AUTS2: variants seen among roughly 807,000 people sequenced by gnomAD.
AUTS2 encodes activator of transcription and developmental regulator AUTS2.
A neutral mutation model predicts 112.4 loss-of-function variants in AUTS2; 17 were observed. That is an observed-to-expected ratio of 0.15 (90% CI 0.10 to 0.23). AUTS2 has a LOEUF of 0.23. Ranked by LOEUF, AUTS2 falls within the 10% of genes least tolerant of loss-of-function variation. AUTS2 has a pLI of 1.00. For synonymous variants in AUTS2, 751 were observed against 702.7 expected, an observed-to-expected ratio of 1.07 and a Z score of -1.09; for missense variants, 1,510 against 1,701.6, an observed-to-expected ratio of 0.89 and a Z score of 1.98.
At chr7:70,412,263 C>T (rs955408319) in intron 4 of AUTS2, among the ~76,000 whole-genome samples, 2 of 152,126 alleles carry the variant, frequency 1.3e-5, no homozygotes, top group Admixed American at 6.6e-5. Flanking sequence ...CCCTTGATAA[C>T]CTTACCAGAA....
chr7:69,731,224 C>T (rs1786777817), intron 1 of AUTS2, among the ~76,000 whole-genome samples: 3 of 152,004 alleles, frequency 2.0e-5, no homozygotes, highest in East Asian at 1.9e-4. Flanking sequence ...CCTGGGAGGT[C>T]GAGGCTGCAG....
intron 5 of AUTS2, among the ~76,000 whole-genome samples, chr7:70,599,726 G>A (rs777795204): frequency 1.3e-5 from 2 of 152,176 alleles, no homozygotes; most frequent in Non-Finnish European, 2.9e-5. Flanking sequence ...AAGAAGTCAA[G>A]CAGCAATACA....
intron 4 of AUTS2, among the ~76,000 whole-genome samples, chr7:70,265,500 G>A (rs1787376406): frequency 6.6e-6 from 1 of 152,184 alleles, no homozygotes; most frequent in African/African-American, 2.4e-5. Flanking sequence ...TTATCTCTCT[G>A]CTTCAGTCCC....
rs73171770 is a variant in AUTS2 at position 70,271,563 on chromosome 7, C to T, written c.660+136992C>T. Among the ~76,000 whole-genome samples, 634 of 152,288 alleles carry T rather than the reference C, an allele frequency of 4.2e-3. 5 individuals are homozygous for T. Among genetic ancestry groups the T allele is most frequent in the Non-Finnish European group, 5.8e-3 (392 of 68,030 alleles). ...TTTATAAAAAAAGATTATTATACAT[C>T]AATGCAGTATTTGTTATTCCTAAAT... On this transcript the variant is annotated intron_variant, in intron 4 of 18. Transcript: ENST00000342771.
intron 1 of AUTS2, among the ~76,000 whole-genome samples, chr7:69,638,782 T>C (rs1269645998): frequency 2.0e-5 from 3 of 152,216 alleles, no homozygotes; most frequent in Non-Finnish European, 2.9e-5. Flanking sequence ...CTCACCTGCC[T>C]AGAAACAAAA....
At chr7:70,045,499 C>CTA (rs1484769697) in intron 2 of AUTS2, among the ~76,000 whole-genome samples, 1 of 151,816 alleles carries the variant, frequency 6.6e-6, no homozygotes, top group Non-Finnish European at 1.5e-5. Context: ...AATTTTATAC[C>CTA]TATTTTTACC....
chr7:70,089,100 C>G (rs1803771903), intron 2 of AUTS2, among the ~76,000 whole-genome samples: 1 of 152,068 alleles, frequency 6.6e-6, no homozygotes, highest in African/African-American at 2.4e-5. Flanking sequence ...CTATAAATGT[C>G]AATTATGCAT....
At chr7:69,647,280 A>T (rs933328081) in intron 1 of AUTS2, among the ~76,000 whole-genome samples, 15 of 152,168 alleles carry the variant, frequency 9.9e-5, no homozygotes, top group Non-Finnish European at 1.8e-4. Context: ...GTCTTTTCCT[A>T]TGCAAACATT....
intron 4 of AUTS2, among the ~76,000 whole-genome samples, chr7:70,203,359 AAAAG>A (rs1810399118): frequency 6.7e-6 from 1 of 148,490 alleles, no homozygotes; most frequent in Non-Finnish European, 1.5e-5. Flanking sequence ...AAAAAAAAAA[AAAAG>A]AAGTTTACGG....
intron 5 of AUTS2, among the ~76,000 whole-genome samples, chr7:70,493,191 G>A (rs879355715): frequency 6.6e-6 from 1 of 152,136 alleles, no homozygotes; most frequent in Non-Finnish European, 1.5e-5. Flanking sequence ...CAAAGAGAGG[G>A]TACTTTTTCA....
chr7:70,412,889 G>A (rs974606567), intron 4 of AUTS2, among the ~76,000 whole-genome samples: 1 of 152,344 alleles, frequency 6.6e-6, no homozygotes, highest in African/African-American at 2.4e-5. Flanking sequence ...TATTCGGGAG[G>A]CTGAGGCGGG....
intron 2 of AUTS2, among the ~76,000 whole-genome samples, chr7:69,936,906 C>T (rs1160268570): frequency 6.6e-6 from 1 of 152,104 alleles, no homozygotes; most frequent in East Asian, 1.9e-4. Context: ...TTCTTTCCGT[C>T]GTTCCTCCCT....
At chr7:70,397,215 C>G (rs1389394048) in intron 4 of AUTS2, among the ~76,000 whole-genome samples, 1 of 152,026 alleles carries the variant, frequency 6.6e-6, no homozygotes, top group Admixed American at 6.6e-5. Flanking sequence ...AGAGGTGTGC[C>G]ACCATGTCTG....
chr7:70,608,490 C>G (rs1265587082), intron 5 of AUTS2, among the ~76,000 whole-genome samples: 1 of 152,180 alleles, frequency 6.6e-6, no homozygotes, highest in African/African-American at 2.4e-5. Flanking sequence ...CATAGTGTAG[C>G]AGTGACTATT....
At chr7:70,454,989 G>T (rs977115984) in intron 5 of AUTS2, among the ~76,000 whole-genome samples, 1 of 152,200 alleles carries the variant, frequency 6.6e-6, no homozygotes, top group Non-Finnish European at 1.5e-5. Flanking sequence ...AAGCCAGGTG[G>T]AGGGAGTCCA....
At chr7:70,151,349 A>C (rs1229556082) in intron 4 of AUTS2, among the ~76,000 whole-genome samples, 1 of 152,180 alleles carries the variant, frequency 6.6e-6, no homozygotes, top group African/African-American at 2.4e-5. Flanking sequence ...GCTGATTCTC[A>C]CCAGCAGGAT....
chr7:70,324,942 A>G (rs1038187470), intron 4 of AUTS2, among the ~76,000 whole-genome samples: 7 of 152,308 alleles, frequency 4.6e-5, no homozygotes, highest in African/African-American at 1.4e-4. Flanking sequence ...AAAGACCCAA[A>G]AGCCCACTCT....
At chr7:70,301,382 C>A (rs1367225275) in intron 4 of AUTS2, among the ~76,000 whole-genome samples, 2 of 152,058 alleles carry the variant, frequency 1.3e-5, no homozygotes, top group Non-Finnish European at 2.9e-5. Flanking sequence ...TTAATTTTTG[C>A]ACTTCTTGGA....
intron 5 of AUTS2, among the ~76,000 whole-genome samples, chr7:70,568,844 C>T (rs1459255004): frequency 6.6e-6 from 1 of 152,224 alleles, no homozygotes; most frequent in African/African-American, 2.4e-5. Flanking sequence ...GCCAAGTAAG[C>T]ACATTCTTTT....
Sources: allele counts gnomAD v4.1 joint callset (sites outside exome capture counted in the v4.1 genomes callset), GRCh38; gene constraint gnomAD v4.1.1; transcripts MANE v1.5; gene names NCBI Gene and HGNC (gene_info 2026-07-23, HGNC 2026-07-21).